PCDHA6: variants seen among roughly 807,000 people sequenced by gnomAD.
PCDHA6 encodes protocadherin alpha-6.
A neutral mutation model predicts 60.3 loss-of-function variants in PCDHA6; 55 were observed. The ratio of observed to expected loss-of-function variants is 0.91; its 90% confidence interval spans 0.73 to 1.14. PCDHA6 has a LOEUF of 1.14. PCDHA6 is among the 50% of genes most tolerant of loss of function. PCDHA6 has a pLI of 0.00. For missense variants in PCDHA6, 1,327 were observed against 1,256.5 expected, an observed-to-expected ratio of 1.06 and a Z score of -0.85; for synonymous variants, 652 against 557.9, an observed-to-expected ratio of 1.17 and a Z score of -2.38.
intron 3 of PCDHA6, among the ~76,000 whole-genome samples, chr5:141,004,093 C>T (rs1016954345): frequency 1.3e-5 from 2 of 152,164 alleles, no homozygotes; most frequent in African/African-American, 4.8e-5. Flanking sequence ...GTGCTTCTTC[C>T]GTTTTCATCT....
intron 1 of PCDHA6, chr5:140,876,955 G>T (rs782751017): frequency 1.3e-5 from 21 of 1,613,390 alleles, no homozygotes; most frequent in Non-Finnish European, 1.7e-5. Context: ...CTACTCGCTG[G>T]TGGAGCGGCG....
chr5:140,917,328 GGA>G lies in PCDHA6; in HGVS notation c.2395-61619_2395-61618del, dbSNP rs371938358. On this transcript the variant is annotated intron_variant, in intron 1 of 3. Transcript: ENST00000529310. ...TACAATTTGGTGTTCATGTGGCGGGGGAGGGGGGGGATGGTGTAGGCTTCTGT... is the reference window on the plus strand; with the variant it reads ...TACAATTTGGTGTTCATGTGGCGGGGGGGGGGGGATGGTGTAGGCTTCTGT... 4.7e-4 allele frequency among the ~76,000 whole-genome samples: 70 copies of G among 148,990 alleles called. 3 individuals are homozygous for G. Among genetic ancestry groups the G allele is most frequent in the African/African-American group, 1.3e-3 (53 of 40,184 alleles).
At position 140,924,017 on chromosome 5, in the gene PCDHA6, T is replaced by C. The variant is rs2081624736; in HGVS notation, c.2395-54932T>C. Among the ~76,000 whole-genome samples, 3 of 152,218 alleles carry C rather than the reference T, an allele frequency of 2.0e-5. No individual in the cohort carries two copies. In the South Asian group the frequency reaches 6.2e-4, roughly 32 times the overall value. On this transcript the variant is annotated intron_variant, in intron 1 of 3. Transcript: ENST00000529310. ...CTCAGAATTCCTAAACCTGGTATAA[T>C]TGGAGGCATGGCTGCAGACCTAAAA...
At chr5:140,898,622 A>C (rs1286354840) in intron 1 of PCDHA6, among the ~76,000 whole-genome samples, 1 of 152,172 alleles carries the variant, frequency 6.6e-6, no homozygotes, top group Admixed American at 6.5e-5. Context: ...GTCAGGTAGC[A>C]TAATGCCTCC....
chr5:140,930,803 T>C (rs1227085867), intron 1 of PCDHA6, among the ~76,000 whole-genome samples: 2 of 152,222 alleles, frequency 1.3e-5, no homozygotes, highest in Non-Finnish European at 2.9e-5. Context: ...ATCCAGCATA[T>C]AAGATATGCT....
intron 1 of PCDHA6, chr5:140,836,445 G>A: frequency 3.1e-6 from 5 of 1,613,836 alleles, no homozygotes; most frequent in Non-Finnish European, 4.2e-6. Flanking sequence ...GGGCATTGCA[G>A]GCCCAGAGAC....
chr5:140,832,072 T>A (rs2150199647), intron 1 of PCDHA6, among the ~76,000 whole-genome samples: 2,545 of 152,344 alleles, frequency 0.017, 42 homozygotes, highest in Non-Finnish European at 0.028. Context: ...ATCTGAGATG[T>A]CTCTAACATT....
chr5:140,976,927 G>A (rs1322531610), intron 1 of PCDHA6, among the ~76,000 whole-genome samples: 2 of 152,184 alleles, frequency 1.3e-5, no homozygotes, highest in Admixed American at 1.3e-4. Context: ...CTAGTACTGT[G>A]TAGCTACTTA....
intron 1 of PCDHA6, among the ~76,000 whole-genome samples, chr5:140,895,123 T>C (rs1583185390): frequency 6.6e-6 from 1 of 152,300 alleles, no homozygotes; most frequent in East Asian, 1.9e-4. Flanking sequence ...CATTTGTTAG[T>C]TGACAAGTTC....
chr5:140,919,136 G>T (rs1340753916), intron 1 of PCDHA6, among the ~76,000 whole-genome samples: 5 of 152,064 alleles, frequency 3.3e-5, no homozygotes, highest in African/African-American at 1.2e-4. Context: ...GTGTTTTGGG[G>T]CTCTATTATT....
chr5:140,933,780 T>G (rs1404194841), intron 1 of PCDHA6, among the ~76,000 whole-genome samples: 2 of 152,124 alleles, frequency 1.3e-5, no homozygotes, highest in Non-Finnish European at 2.9e-5. Flanking sequence ...TACAGTTTTC[T>G]TTGTAGGAAA....
chr5:140,841,292 A>C, intron 1 of PCDHA6: 1 of 1,561,784 alleles, frequency 6.4e-7, no homozygotes, highest in Non-Finnish European at 8.6e-7. Flanking sequence ...TATTAAGATA[A>C]TATTTTCTGA....
intron 1 of PCDHA6, chr5:140,967,561 G>T: frequency 6.2e-7 from 1 of 1,614,076 alleles, no homozygotes; most frequent in Non-Finnish European, 8.5e-7. Flanking sequence ...ATCGCGTCCA[G>T]CTACGGGAGG....
Position 140,917,751 on chromosome 5 carries a change from A to G in PCDHA6, c.2395-61198A>G, listed in dbSNP as rs577892904. On this transcript the variant is annotated intron_variant, in intron 1 of 3. Coordinates refer to ENST00000529310, the MANE Select transcript of PCDHA6 (RefSeq NM_018909.4). ...GTTCTCTAACCTGTCCCATTGGTCT[A>G]TGTGTCTGTTTTTGTATTAGTACCA... is the stretch of plus-strand genomic sequence containing the variant. Among the ~76,000 whole-genome samples the G allele has an allele frequency of 3.7e-4, 56 of 152,178 alleles. 2 individuals are homozygous for G. The highest frequency in any genetic ancestry group is 1.3e-3 in the African/African-American group (55 of 41,522).
chr5:140,928,392 G>T (rs17844366), intron 1 of PCDHA6: 1 of 1,614,052 alleles, frequency 6.2e-7, no homozygotes, highest in Admixed American at 1.7e-5. Context: ...TGCTGGCAGT[G>T]GAATCATCCA....
At chr5:140,948,897 T>G (rs1487067374) in intron 1 of PCDHA6, among the ~76,000 whole-genome samples, 4 of 151,680 alleles carry the variant, frequency 2.6e-5, no homozygotes, top group Non-Finnish European at 5.9e-5. Flanking sequence ...AGATTTTAAG[T>G]GGATTCTTAG....
intron 1 of PCDHA6, chr5:140,969,258 A>G (rs782513796): frequency 9.3e-6 from 15 of 1,614,106 alleles, no homozygotes; most frequent in Admixed American, 8.3e-5. Context: ...GACAGCAGGA[A>G]TCTCACAGGC....
At chr5:140,975,160 T>G (rs2096656216) in intron 1 of PCDHA6, among the ~76,000 whole-genome samples, 1 of 152,194 alleles carries the variant, frequency 6.6e-6, no homozygotes, top group African/African-American at 2.4e-5. Flanking sequence ...CCTAGAGAAC[T>G]GAGGACTCAG....
chr5:141,004,888 G>A lies in PCDHA6; in HGVS notation c.2543-4739G>A, dbSNP rs555046086. ...TTTCTCATCCCTAAAGTGCTATTGT[G>A]TCAGCTCTGCCAGGGTGTAAGGAAA... On this transcript the variant is annotated intron_variant, in intron 3 of 3. Transcript: ENST00000529310. Among the ~76,000 whole-genome samples the A allele has an allele frequency of 2.0e-5, 3 of 152,250 alleles. No individual in the cohort carries two copies. The East Asian group carries it at 5.8e-4, about 29-fold the overall frequency.
Sources: allele counts gnomAD v4.1 joint callset (sites outside exome capture counted in the v4.1 genomes callset), GRCh38; gene constraint gnomAD v4.1.1; transcripts MANE v1.5; gene names NCBI Gene and HGNC (gene_info 2026-07-23, HGNC 2026-07-21).